SYNPR: variants seen among roughly 807,000 people sequenced by gnomAD.
SYNPR encodes the protein synaptoporin.
Under a neutral mutation model 32.9 loss-of-function variants are expected in SYNPR, and 23 were observed. That is an observed-to-expected ratio of 0.70 (90% confidence interval 0.50 to 0.99). SYNPR has a LOEUF of 0.99. SYNPR is among the 50% of genes least tolerant of loss of function. The probability of loss-of-function intolerance (pLI) is 0.00; values close to 1 mark genes in which losing one functional copy is unlikely to be tolerated. For missense variants in SYNPR, 318 were observed against 349.3 expected (o/e 0.91, Z 0.71); for synonymous variants, 146 against 135.9 (o/e 1.07, Z -0.52).
chr3:63,414,904 T>C (rs142383481), intron 2 of SYNPR, among the ~76,000 whole-genome samples: 2 of 152,348 alleles, frequency 1.3e-5, no homozygotes, highest in African/African-American at 4.8e-5. Context: ...GTCATTTGTA[T>C]ACTTTCGTTT....
At chr3:63,242,245 G>C (rs772702171) in intron 1 of SYNPR, among the ~76,000 whole-genome samples, 1 of 151,982 alleles carries the variant, frequency 6.6e-6, no homozygotes, top group Non-Finnish European at 1.5e-5. Flanking sequence ...AAATATCAGA[G>C]TGCTATGAGA....
At chr3:63,307,410 T>C (rs924389907) in intron 2 of SYNPR, among the ~76,000 whole-genome samples, 5 of 152,070 alleles carry the variant, frequency 3.3e-5, no homozygotes, top group Non-Finnish European at 2.9e-5. Context: ...TCACTACTAT[T>C]ATTAACAAAG....
chr3:63,278,733 C>G lies in SYNPR; in HGVS notation c.75C>G (p.Ala25=). The change falls in exon 2 of 6, where the codon GCC becomes GCG. Residue 25 remains alanine, a synonymous_variant. Coordinates refer to ENST00000478300, the MANE Select transcript of SYNPR (RefSeq NM_001130003.2). ...VLKEPLAFLR[A]LELLFAIFAF... ...AGGAGCCCCTTGCCTTCCTGCGAGC[C>G]CTGGAATTGGTGAGTAGCAGTGTGT... is the stretch of plus-strand genomic sequence containing the variant. The G allele has an allele frequency of 6.4e-7, 1 of 1,551,650 alleles. No homozygotes were observed. Among genetic ancestry groups the G allele is most frequent in the Non-Finnish European group, 8.7e-7 (1 of 1,146,984 alleles).
At chr3:63,337,654 T>A (rs960780124) in intron 2 of SYNPR, among the ~76,000 whole-genome samples, 2 of 152,154 alleles carry the variant, frequency 1.3e-5, no homozygotes, top group Non-Finnish European at 2.9e-5. Flanking sequence ...CTGTGGTACG[T>A]CCGTACAATG....
chr3:63,296,797 TAATC>T (rs570558194), intron 2 of SYNPR, among the ~76,000 whole-genome samples: 72 of 152,292 alleles, frequency 4.7e-4, no homozygotes, highest in Non-Finnish European at 8.2e-4. Flanking sequence ...ATAATTTAAA[TAATC>T]AATAAATAAA....
At chr3:63,295,186 G>A (rs560875335) in intron 2 of SYNPR, among the ~76,000 whole-genome samples, 7 of 152,044 alleles carry the variant, frequency 4.6e-5, no homozygotes, top group Admixed American at 2.6e-4. Context: ...GCTATTTTGG[G>A]CTATGTCGGC....
chr3:63,481,469 G>GTGTGTA, intron 3 of SYNPR, among the ~76,000 whole-genome samples: 1 of 151,862 alleles, frequency 6.6e-6, no homozygotes, highest in African/African-American at 2.4e-5. Flanking sequence ...GTGTGTGTGT[G>GTGTGTA]TGTATACATA....
At chr3:63,239,714 C>T (rs2086226681) in intron 1 of SYNPR, among the ~76,000 whole-genome samples, 1 of 151,528 alleles carries the variant, frequency 6.6e-6, no homozygotes, top group East Asian at 2.0e-4. Context: ...TGTTATGCCC[C>T]CAACCTACCA....
At chr3:63,559,603 G>C (rs933910656) in intron 4 of SYNPR, among the ~76,000 whole-genome samples, 1 of 151,780 alleles carries the variant, frequency 6.6e-6, no homozygotes, top group Non-Finnish European at 1.5e-5. Context: ...TTAGAAATTT[G>C]TTAAGTTTGA....
intron 3 of SYNPR, among the ~76,000 whole-genome samples, chr3:63,518,267 T>C (rs1439382671): frequency 6.6e-6 from 1 of 152,120 alleles, no homozygotes; most frequent in African/African-American, 2.4e-5. Flanking sequence ...CTTTGTTTAA[T>C]AGGTTTTATT....
chr3:63,314,382 G>T (rs1343226900), intron 2 of SYNPR, among the ~76,000 whole-genome samples: 3 of 151,468 alleles, frequency 2.0e-5, no homozygotes, highest in Non-Finnish European at 4.4e-5. Context: ...AACATCTACT[G>T]TTTTTTGATT....
intron 2 of SYNPR, among the ~76,000 whole-genome samples, chr3:63,296,831 A>G (rs1176323195): frequency 6.6e-6 from 1 of 152,070 alleles, no homozygotes. Context: ...GTGAGGTATG[A>G]CTCTATTTAT....
chr3:63,428,716 G>A (rs549929506), intron 2 of SYNPR, among the ~76,000 whole-genome samples: 13 of 152,300 alleles, frequency 8.5e-5, no homozygotes, highest in Admixed American at 2.6e-4. Context: ...CTGGAACAAC[G>A]GGATAATAGA....
At chr3:63,607,659 G>C (rs1455019323) in intron 4 of SYNPR, among the ~76,000 whole-genome samples, 1 of 152,118 alleles carries the variant, frequency 6.6e-6, no homozygotes, top group African/African-American at 2.4e-5. Context: ...TAGTTTTCTA[G>C]AGCCAACATG....
At chr3:63,370,817 T>C (rs1292049704) in intron 2 of SYNPR, among the ~76,000 whole-genome samples, 1 of 152,190 alleles carries the variant, frequency 6.6e-6, no homozygotes, top group East Asian at 1.9e-4. Context: ...GTGAGAACCT[T>C]GTAAAAATTT....
chr3:63,474,034 T>C (rs1700853777), intron 2 of SYNPR, among the ~76,000 whole-genome samples: 1 of 152,092 alleles, frequency 6.6e-6, no homozygotes, highest in Non-Finnish European at 1.5e-5. Context: ...GGAAGCACAA[T>C]GACAAGTGGG....
chr3:63,287,265 C>T (rs6777774), intron 2 of SYNPR, among the ~76,000 whole-genome samples: 2,279 of 152,226 alleles, frequency 0.015, 42 homozygotes, highest in African/African-American at 0.049. Context: ...GGCCTGGTGA[C>T]GGTTTCTTGC....
intron 3 of SYNPR, among the ~76,000 whole-genome samples, chr3:63,491,456 C>G (rs1332381917): frequency 2.0e-5 from 3 of 152,112 alleles, no homozygotes; most frequent in African/African-American, 7.2e-5. Context: ...TGGCCCCCTA[C>G]CTGTTTGTAT....
intron 2 of SYNPR, among the ~76,000 whole-genome samples, chr3:63,338,867 G>T (rs1005122633): frequency 6.6e-6 from 1 of 152,184 alleles, no homozygotes; most frequent in Non-Finnish European, 1.5e-5. Flanking sequence ...GGTTTACCTT[G>T]TCTCCTTCAA....
Sources: allele counts gnomAD v4.1 joint callset (sites outside exome capture counted in the v4.1 genomes callset), GRCh38; gene constraint gnomAD v4.1.1; transcripts MANE v1.5; gene names NCBI Gene and HGNC (gene_info 2026-07-23, HGNC 2026-07-21).